ARPP21: variants seen among roughly 807,000 people sequenced by gnomAD.
ARPP21 encodes cAMP regulated phosphoprotein 21.
A neutral mutation model predicts 113.2 loss-of-function variants in ARPP21; 69 were observed. The observed-to-expected ratio is 0.61, with a 90% CI of 0.50 to 0.74. The LOEUF is 0.74. Among genes scored for constraint, ARPP21 ranks in the 30% least tolerant of loss-of-function variants. ARPP21 has a pLI of 0.00. For synonymous variants in ARPP21, 368 were observed against 375.5 expected (o/e 0.98, Z 0.23); for missense variants, 1,070 against 1,037.4 (o/e 1.03, Z -0.43).
intron 12 of ARPP21, among the ~76,000 whole-genome samples, chr3:35,716,097 C>A (rs2092355598): frequency 6.6e-6 from 1 of 151,858 alleles, no homozygotes; most frequent in African/African-American, 2.4e-5. Context: ...GTGATAAGAG[C>A]AAAAATTTTT....
intron 11 of ARPP21, among the ~76,000 whole-genome samples, chr3:35,710,600 C>T (rs2090827593): frequency 1.3e-5 from 2 of 151,700 alleles, no homozygotes; most frequent in Non-Finnish European, 2.9e-5. Context: ...TTCTCTCACA[C>T]TCTGGTCCTG....
At chr3:35,752,019 C>A (rs2095421164) in intron 19 of ARPP21, among the ~76,000 whole-genome samples, 1 of 152,092 alleles carries the variant, frequency 6.6e-6, no homozygotes, top group African/African-American at 2.4e-5. Context: ...AGAGTATGAT[C>A]TTTTTCTTCC....
intron 1 of ARPP21, among the ~76,000 whole-genome samples, chr3:35,672,086 C>T (rs1457021612): frequency 6.6e-6 from 1 of 151,890 alleles, no homozygotes; most frequent in Non-Finnish European, 1.5e-5. Context: ...TTGAGAAAAC[C>T]CTAAGTTTAA....
intron 10 of ARPP21, chr3:35,707,542 G>C (rs2089626732): frequency 2.2e-6 from 1 of 457,550 alleles, no homozygotes. Flanking sequence ...CCTTGTTATG[G>C]TGAGGACAGG....
chr3:35,640,241 C>CAA lies in ARPP21; in HGVS notation c.-370_-369insAA, dbSNP rs1697598415. 1.3e-5 allele frequency: 2 copies of CAA among 152,076 alleles called. No individual in the cohort carries two copies. The highest frequency in any genetic ancestry group is 4.8e-5 in the African/African-American group (2 of 41,346). 9.4% of individuals were successfully genotyped at this position (152,076 alleles called of 1,614,324 possible). On this transcript the variant is annotated 5_prime_UTR_variant, in exon 1 of 21. Transcript: ENST00000684406. ...CCAAAAACAAAACAAACAAACAAAC[C>CAA]CAACAACAACAACAACAACAAAAGC...
intron 14 of ARPP21, among the ~76,000 whole-genome samples, chr3:35,722,484 T>C (rs1010860094): frequency 1.3e-5 from 2 of 152,222 alleles, no homozygotes; most frequent in Non-Finnish European, 2.9e-5. Flanking sequence ...ATAATGTCTG[T>C]CAAGTTATAA....
chr3:35,680,985 T>G (rs1326396126), intron 2 of ARPP21: 1 of 151,900 alleles, frequency 6.6e-6, no homozygotes, highest in Admixed American at 6.6e-5. Context: ...TAGACTATTG[T>G]GAGCCTGGAG....
chr3:35,648,123 T>C (rs575261974), intron 1 of ARPP21, among the ~76,000 whole-genome samples: 17 of 152,204 alleles, frequency 1.1e-4, no homozygotes, highest in Non-Finnish European at 2.4e-4. Context: ...CTTTCTGTGC[T>C]ATGAAATATT....
intron 19 of ARPP21, among the ~76,000 whole-genome samples, chr3:35,779,017 G>A (rs1247360864): frequency 6.6e-6 from 1 of 152,262 alleles, no homozygotes; most frequent in East Asian, 1.9e-4. Flanking sequence ...ATAGAAATGA[G>A]CTGATAGTTT....
At chr3:35,784,200 A>G (rs1046129265) in intron 19 of ARPP21, among the ~76,000 whole-genome samples, 3 of 152,198 alleles carry the variant, frequency 2.0e-5, no homozygotes, top group Non-Finnish European at 4.4e-5. Flanking sequence ...TGGAAAAAAG[A>G]ATCAAAGCAA....
chr3:35,680,230 G>A (rs2078509438), intron 2 of ARPP21, among the ~76,000 whole-genome samples: 1 of 151,860 alleles, frequency 6.6e-6, no homozygotes, highest in Non-Finnish European at 1.5e-5. Flanking sequence ...CAAGCTGTTT[G>A]CCAGTGGAAA....
chr3:35,682,771 T>G, intron 3 of ARPP21, 77 bp from the exon 4 acceptor site: 1 of 1,326,024 alleles, frequency 7.5e-7, no homozygotes, highest in Non-Finnish European at 1.0e-6. Context: ...TCTTTCTCTC[T>G]CTCTCTCGGT....
At chr3:35,668,027 A>AAGAAGAAGAAGGAGAAGG (rs1553646509) in intron 1 of ARPP21, among the ~76,000 whole-genome samples, 3 of 132,466 alleles carry the variant, frequency 2.3e-5, no homozygotes, top group South Asian at 2.4e-4. Flanking sequence ...GAAGAAGAAG[A>AAGAAGAAGAAGGAGAAGG]AGAAGGAGAA....
intron 19 of ARPP21, among the ~76,000 whole-genome samples, chr3:35,782,655 A>T (rs1468586493): frequency 6.6e-6 from 1 of 152,018 alleles, no homozygotes; most frequent in East Asian, 1.9e-4. Flanking sequence ...GTTGTATGCA[A>T]CCGTTGATGT....
At chr3:35,725,387 A>C (rs994297950) in intron 14 of ARPP21, among the ~76,000 whole-genome samples, 4 of 152,212 alleles carry the variant, frequency 2.6e-5, no homozygotes, top group Non-Finnish European at 5.9e-5. Flanking sequence ...GTCTGGAAGA[A>C]ACCAGTGAAA....
At chr3:35,783,693 A>G (rs2096572675) in intron 19 of ARPP21, among the ~76,000 whole-genome samples, 1 of 152,252 alleles carries the variant, frequency 6.6e-6, no homozygotes, top group Admixed American at 6.5e-5. Flanking sequence ...TATAAACCTT[A>G]TATTGCACCT....
intron 14 of ARPP21, among the ~76,000 whole-genome samples, chr3:35,724,102 C>T (rs1344294354): frequency 1.3e-5 from 2 of 152,134 alleles, no homozygotes; most frequent in Non-Finnish European, 2.9e-5. Context: ...TACATAGATT[C>T]TAGCTTTAAA....
At chr3:35,772,104 T>G (rs1455717595) in intron 19 of ARPP21, among the ~76,000 whole-genome samples, 3 of 152,222 alleles carry the variant, frequency 2.0e-5, no homozygotes, top group Non-Finnish European at 4.4e-5. Context: ...TAAATTTGGC[T>G]GCAGCTGGTT....
intron 14 of ARPP21, among the ~76,000 whole-genome samples, chr3:35,723,674 T>C (rs2093311652): frequency 6.6e-6 from 1 of 152,214 alleles, no homozygotes. Context: ...AAATTAATAG[T>C]CATTCTTCAT....
Sources: gnomAD v4.1 joint callset for allele counts (sites outside exome capture counted in the v4.1 genomes callset) on GRCh38, gnomAD v4.1.1 for gene constraint, MANE v1.5 for transcripts, NCBI Gene and HGNC (gene_info 2026-07-23, HGNC 2026-07-21) for gene names.